MAL: variants seen among roughly 807,000 people sequenced by gnomAD.
MAL encodes the protein myelin and lymphocyte protein.
In MAL, 5 loss-of-function variants were observed where a neutral mutation model predicts 16.7. That is an observed-to-expected ratio of 0.30 (90% CI 0.16 to 0.63). The LOEUF is 0.63. Ranked by LOEUF, MAL falls within the 30% of genes least tolerant of loss-of-function variation. MAL has a pLI of 0.82. For missense variants in MAL, 202 were observed against 195.8 expected, an observed-to-expected ratio of 1.03 and a Z score of -0.19; for synonymous variants, 96 against 85.5, an observed-to-expected ratio of 1.12 and a Z score of -0.67.
In MAL at chr2:95,053,819, C is replaced by T. The variant is rs1409326099; in HGVS notation, c.*364C>T. On this transcript the variant is annotated 3_prime_UTR_variant, in exon 4 of 4. Transcript: ENST00000309988. ...CCCTGGAGCAGCTCTCGAGAACTAC[C>T]TGTTGGTATTGTCCACAAGCTCTCC... 5 of 247,058 alleles carry T rather than the reference C, an allele frequency of 2.0e-5. No homozygotes were observed. The highest frequency in any genetic ancestry group is 4.0e-5 in the Non-Finnish European group (5 of 125,626). The allele number at this position is 247,058 out of a possible 1,614,324, so 15.3% of individuals were successfully genotyped here.
Position 95,053,325 on chromosome 2 carries a change from G to A in MAL, c.388-56G>A, listed in dbSNP as rs1288203053. ...ACGTGGGGCTGGATGCAGTGCAGAC[G>A]CTGTGCCTCGCCCTCCCTACACAAA... On this transcript the variant is annotated intron_variant, in intron 3 of 3. Transcript: ENST00000309988. The A allele has an allele frequency of 2.0e-5, 24 of 1,205,714 alleles. No homozygotes were observed. The East Asian group carries it at 2.1e-4, about 11-fold the overall frequency. The allele number at this position is 1,205,714 out of a possible 1,614,324, so 74.7% of individuals were successfully genotyped here.
intron 1 of MAL, among the ~76,000 whole-genome samples, chr2:95,033,843 A>T (rs1558656801): frequency 6.6e-6 from 1 of 152,098 alleles, no homozygotes; most frequent in Non-Finnish European, 1.5e-5. Flanking sequence ...TGTCACACCC[A>T]TGGGGGCCTG....
intron 3 of MAL, among the ~76,000 whole-genome samples, chr2:95,052,575 C>T (rs1330479490): frequency 6.6e-6 from 1 of 152,196 alleles, no homozygotes; most frequent in Admixed American, 6.5e-5. Context: ...CCTAAATGGA[C>T]GTCGTGCCTG....
intron 1 of MAL, among the ~76,000 whole-genome samples, chr2:95,038,556 GTGAGTGAGTGACTGAGTGAC>G: frequency 1.3e-5 from 2 of 150,980 alleles, no homozygotes; most frequent in African/African-American, 2.4e-5. Context: ...GACTGAGTGA[GTGAGTGAGTGACTGAGTGAC>G]TGAGTGAGTG....
At position 95,025,933 on chromosome 2, in the gene MAL, GCT is replaced by G. The variant is rs1451574700; in HGVS notation, c.93+54_93+55del. On this transcript the variant is annotated intron_variant, in intron 1 of 3. Coordinates refer to ENST00000309988, the MANE Select transcript of MAL (RefSeq NM_002371.4). The surrounding 1 kb of genome is among the most constrained non-coding windows in gnomAD (Gnocchi z 5.6). ...AGGGACGGGGTGGGCTGAGCCGTGC[GCT>G]CTCTCGGGCGCCCAGCACAGCTGTC... 1.0e-5 allele frequency: 15 copies of G among 1,456,470 alleles called. No homozygotes were observed. In the South Asian group the frequency reaches 1.8e-4, roughly 18 times the overall value. 90.2% of individuals were successfully genotyped at this position (1,456,470 alleles called of 1,614,324 possible).
At position 95,030,160 on chromosome 2, in the gene MAL, C is replaced by T. The variant is rs571061063; in HGVS notation, c.93+4275C>T. 1.9e-3 allele frequency among the ~76,000 whole-genome samples: 290 copies of T among 152,286 alleles called. 3 individuals are homozygous for T. The highest frequency in any genetic ancestry group is 1.3e-3 in the Non-Finnish European group (88 of 68,022). The stretch of plus-strand genomic sequence containing the variant: ...GCAACCTCTCCTTGGCCCAGCACCC[C>T]TATCCCAGACCTCCTGACCTCTGAA... On this transcript the variant is annotated intron_variant, in intron 1 of 3. Transcript: ENST00000309988.
rs1356927999 is a variant in MAL at position 95,039,271 on chromosome 2, GGTGAGTGACTGA to G, written c.94-8671_94-8660del. Among the ~76,000 whole-genome samples, 52 of 56,870 alleles carry G rather than the reference GGTGAGTGACTGA, an allele frequency of 9.1e-4. 1 individual carries two copies. Among genetic ancestry groups the G allele is most frequent in the African/African-American group, 3.3e-3 (47 of 14,450 alleles). The allele number at this position is 56,870 out of a possible 152,430, so 37.3% of individuals were successfully genotyped here. ...GAGTAAGTGTCTGAGTGACTGAGTG[GGTGAGTGACTGA>G]GTGAGTGACTGAGTGACTGAGTGGG... On this transcript the variant is annotated intron_variant, in intron 1 of 3. Transcript: ENST00000309988.
chr2:95,050,112 T>A (rs1477848298), intron 3 of MAL, among the ~76,000 whole-genome samples: 1 of 152,096 alleles, frequency 6.6e-6, no homozygotes, highest in African/African-American at 2.4e-5. Flanking sequence ...TCACCAGTCA[T>A]TGTGGGACCT....
At chr2:95,037,776 GTGAC>G (rs1674279216) in intron 1 of MAL, among the ~76,000 whole-genome samples, 1 of 151,240 alleles carries the variant, frequency 6.6e-6, no homozygotes, top group African/African-American at 2.4e-5. Flanking sequence ...GACTGAGTGA[GTGAC>G]TGAGTGACTG....
At chr2:95,028,930 C>A (rs769842991) in intron 1 of MAL, among the ~76,000 whole-genome samples, 1 of 152,148 alleles carries the variant, frequency 6.6e-6, no homozygotes, top group African/African-American at 2.4e-5. Flanking sequence ...TATGTGGTTT[C>A]TTTTTGGGGG....
At chr2:95,049,543 T>C (rs1290159520) in intron 2 of MAL, 38 bp from the exon 3 acceptor site, 3 of 1,611,810 alleles carry the variant, frequency 1.9e-6, no homozygotes, top group African/African-American at 2.7e-5. Context: ...GCCCCGTCTC[T>C]CTCTCCCCAT....
In MAL at chr2:95,053,620, C is replaced by A; in HGVS notation, c.*165C>A. The A allele has an allele frequency of 1.6e-6, 1 of 619,036 alleles. No homozygotes were observed. Among genetic ancestry groups the A allele is most frequent in the Non-Finnish European group, 2.8e-6 (1 of 353,022 alleles). 38.3% of individuals were successfully genotyped at this position (619,036 alleles called of 1,614,324 possible). A position where few individuals can be genotyped will look rare whatever the true frequency, so the allele number is the denominator to read the frequency against. ...AGCCCTGCCCTGTTGCTCGTGGGTGCTGTGTTTACTCTCCCGTGTGCCTTC... is the reference window on the plus strand; with the variant it reads ...AGCCCTGCCCTGTTGCTCGTGGGTGATGTGTTTACTCTCCCGTGTGCCTTC... On this transcript the variant is annotated 3_prime_UTR_variant, in exon 4 of 4. Transcript: ENST00000309988.
Position 95,049,583 on chromosome 2 carries a change from C to G in MAL, c.264C>G (p.Asp88Glu). 1 of 1,614,154 alleles carries G rather than the reference C, an allele frequency of 6.2e-7. No individual in the cohort carries two copies. The part of the protein sequence containing the change: ...HGGETSWVTL[D>E]AAYHCTAALF... ...CTGACACCCCGTCTGCCCCATAGGA[C>G]GCAGCCTACCACTGCACCGCTGCCC... The change falls in exon 3 of 4, where the codon GAC (aspartate) becomes GAG (glutamate). Residue 88 changes from aspartate (D) to glutamate (E), a missense_variant and splice_region_variant. Coordinates refer to ENST00000309988, the MANE Select transcript of MAL (RefSeq NM_002371.4).
intron 1 of MAL, chr2:95,044,729 G>GCA (rs1674544494): frequency 6.6e-6 from 1 of 152,272 alleles, no homozygotes; most frequent in South Asian, 2.1e-4. Context: ...GTTGGTAAAA[G>GCA]CACACACTGG....
intron 3 of MAL, 171 bp from the exon 4 acceptor site, chr2:95,053,210 G>C: frequency 1.5e-6 from 1 of 646,522 alleles, no homozygotes; most frequent in South Asian, 1.8e-5. Flanking sequence ...AGAGGATTTG[G>C]TGCACACCTG....
At chr2:95,050,690 G>C (rs1233614366) in intron 3 of MAL, among the ~76,000 whole-genome samples, 1 of 152,184 alleles carries the variant, frequency 6.6e-6, no homozygotes, top group Non-Finnish European at 1.5e-5. Context: ...ACAGTCCCCT[G>C]CCCTGGGGAA....
At chr2:95,037,710 GAGTGAGTGACTGAGTC>G (rs1215004121) in intron 1 of MAL, among the ~76,000 whole-genome samples, 7 of 151,864 alleles carry the variant, frequency 4.6e-5, no homozygotes, top group Middle Eastern at 3.4e-3. Context: ...GTGAGTGACT[GAGTGAGTGACTGAGTC>G]AGTGAGTGAC....
intron 2 of MAL, 27 bp from the exon 3 acceptor site, chr2:95,049,554 C>T (rs1674667085): frequency 1.9e-6 from 3 of 1,613,362 alleles, no homozygotes; most frequent in Non-Finnish European, 2.5e-6. Context: ...CTCTCCCCAT[C>T]CCTCTGACAC....
intron 1 of MAL, 124 bp downstream of exon 1, chr2:95,026,009 G>A: frequency 1.2e-6 from 1 of 829,408 alleles, no homozygotes; most frequent in South Asian, 1.8e-5. Context: ...GGGGCAGCAG[G>A]CGCAGGGCGG....
Sources: gnomAD v4.1 joint callset for allele counts (sites outside exome capture counted in the v4.1 genomes callset) on GRCh38, gnomAD v4.1.1 for gene constraint, Gnocchi (gnomAD v3.1) non-coding constraint, MANE v1.5 for transcripts, NCBI Gene and HGNC (gene_info 2026-07-23, HGNC 2026-07-21) for gene names.